The following NKAIN3 variants were observed in gnomAD, a reference collection of about 807,000 sequenced individuals.
The protein encoded by NKAIN3 is sodium/potassium transporting ATPase interacting 3.
In NKAIN3, 25 loss-of-function variants were observed where a neutral mutation model predicts 30.2. That is an observed-to-expected ratio of 0.83 (90% CI 0.60 to 1.16). The LOEUF is 1.16. Ranked by LOEUF, NKAIN3 falls within the 50% of genes most tolerant of loss-of-function variation. NKAIN3 has a pLI of 0.00. For missense variants in NKAIN3, 225 were observed against 254.1 expected, an observed-to-expected ratio of 0.89 and a Z score of 0.78; for synonymous variants, 91 against 89.6, an observed-to-expected ratio of 1.02 and a Z score of -0.09.
chr8:62,944,121 T>A (rs1284547138), intron 5 of NKAIN3, among the ~76,000 whole-genome samples: 3 of 152,104 alleles, frequency 2.0e-5, no homozygotes, highest in Non-Finnish European at 4.4e-5. Context: ...CTTACCCATG[T>A]AACCAAACGC....
Position 62,884,188 on chromosome 8 carries a change from G to A in NKAIN3, c.472-34265G>A, listed in dbSNP as rs187635032. 1.4e-3 allele frequency among the ~76,000 whole-genome samples: 220 copies of A among 152,160 alleles called. 1 individual carries two copies. The highest frequency in any genetic ancestry group is 6.8e-3 in the Middle Eastern group (2 of 294). ...TGTCTTTGTCTGGCTTTTGTATTAG[G>A]ATAATGCTGGCCTCCTAAAACGAGT... On this transcript the variant is annotated intron_variant, in intron 4 of 6. Transcript: ENST00000623646.
chr8:62,298,013 G>A lies in NKAIN3; in HGVS notation c.54+48886G>A, dbSNP rs1407822203. The stretch of plus-strand genomic sequence containing the variant: ...CAGCCATAAAAAATGATGAGTTCAT[G>A]TCCTTTGTAGGGACATGGATGAAAT... On this transcript the variant is annotated intron_variant, in intron 1 of 6. Coordinates refer to ENST00000623646, the MANE Select transcript of NKAIN3 (RefSeq NM_001304533.3). Among the ~76,000 whole-genome samples, 26 of 152,048 alleles carry A rather than the reference G, an allele frequency of 1.7e-4. 1 individual carries two copies. The highest frequency in any genetic ancestry group is 1.6e-3 in the Admixed American group (25 of 15,246).
chr8:62,823,453 T>C (rs1486576713), intron 4 of NKAIN3, among the ~76,000 whole-genome samples: 2 of 152,178 alleles, frequency 1.3e-5, no homozygotes. Context: ...AATAATGTTA[T>C]GGAGCTGAAG....
intron 1 of NKAIN3, among the ~76,000 whole-genome samples, chr8:62,449,507 TA>T (rs1289387997): frequency 1.3e-5 from 2 of 152,098 alleles, no homozygotes; most frequent in Non-Finnish European, 2.9e-5. Flanking sequence ...AATATAAGTG[TA>T]ATTGTTTCTT....
chr8:62,684,137 A>G (rs1813726290), intron 3 of NKAIN3, among the ~76,000 whole-genome samples: 1 of 152,134 alleles, frequency 6.6e-6, no homozygotes, highest in South Asian at 2.1e-4. Context: ...CTTACATATT[A>G]GAAACTGGAA....
At chr8:62,334,845 T>C (rs925558004) in intron 1 of NKAIN3, among the ~76,000 whole-genome samples, 1 of 151,998 alleles carries the variant, frequency 6.6e-6, no homozygotes, top group African/African-American at 2.4e-5. Context: ...ACTTAATCTC[T>C]CTCATTCTCC....
chr8:62,696,971 T>C (rs1460562920), intron 3 of NKAIN3, among the ~76,000 whole-genome samples: 1 of 152,194 alleles, frequency 6.6e-6, no homozygotes, highest in Non-Finnish European at 1.5e-5. Context: ...GACTCAAAAA[T>C]ACATATATAA....
rs753082330 is a variant in NKAIN3, at chr8:62,970,625, G to A, written c.*5218G>A. On this transcript the variant is annotated 3_prime_UTR_variant, in exon 7 of 7. Transcript: ENST00000623646. ...AAAGAATAGAAGGTAGAAAGGAAGG[G>A]AGAGGAAAATGGAGAGAAGATGAGG... 1.4e-4 allele frequency among the ~76,000 whole-genome samples: 21 copies of A among 152,136 alleles called. No homozygotes were observed. The highest frequency in any genetic ancestry group is 2.5e-4 in the Non-Finnish European group (17 of 68,028).
At chr8:62,806,687 G>C (rs1341994789) in intron 4 of NKAIN3, among the ~76,000 whole-genome samples, 2 of 151,892 alleles carry the variant, frequency 1.3e-5, no homozygotes, top group African/African-American at 2.4e-5. Context: ...ATAGCATTAG[G>C]AGATATACCT....
At chr8:62,844,244 T>C (rs1241279424) in intron 4 of NKAIN3, among the ~76,000 whole-genome samples, 2 of 152,150 alleles carry the variant, frequency 1.3e-5, no homozygotes, top group Non-Finnish European at 2.9e-5. Flanking sequence ...TATTTAAATA[T>C]TTTAGGATTC....
At chr8:62,453,714 A>G (rs1002775334) in intron 1 of NKAIN3, among the ~76,000 whole-genome samples, 1 of 152,192 alleles carries the variant, frequency 6.6e-6, no homozygotes, top group South Asian at 2.1e-4. Context: ...GACCCCACAG[A>G]AATACAGAAA....
At chr8:62,363,169 TG>T (rs1816619647) in intron 1 of NKAIN3, among the ~76,000 whole-genome samples, 1 of 152,202 alleles carries the variant, frequency 6.6e-6, no homozygotes, top group Non-Finnish European at 1.5e-5. Flanking sequence ...AATTGAGCTC[TG>T]TTCTGCTGCA....
chr8:62,749,067 TTATTAATCA>T, intron 4 of NKAIN3, among the ~76,000 whole-genome samples: 1 of 152,288 alleles, frequency 6.6e-6, no homozygotes, highest in Non-Finnish European at 1.5e-5. Context: ...CTAACAGTTT[TTATTAATCA>T]TCTTGAACAA....
intron 1 of NKAIN3, among the ~76,000 whole-genome samples, chr8:62,540,172 T>G (rs1678060906): frequency 6.6e-6 from 1 of 152,196 alleles, no homozygotes; most frequent in South Asian, 2.1e-4. Context: ...AGGAAACAAT[T>G]TACAACTCTT....
rs13362882 is a variant in NKAIN3 at position 62,893,438 on chromosome 8, A to C, written c.472-25015A>C. On this transcript the variant is annotated intron_variant, in intron 4 of 6. Coordinates refer to ENST00000623646, the MANE Select transcript of NKAIN3 (RefSeq NM_001304533.3). ...TGAAATCTTCCAAAATGACCTTCTA[A>C]AATAATATTTCCCTTTTGACAACCA... Among the ~76,000 whole-genome samples, 1,491 of 152,322 alleles carry C rather than the reference A, an allele frequency of 9.8e-3. 26 individuals carry two copies. The highest frequency in any genetic ancestry group is 0.035 in the African/African-American group (1,439 of 41,568).
intron 3 of NKAIN3, among the ~76,000 whole-genome samples, chr8:62,741,861 C>T (rs1815906722): frequency 6.6e-6 from 1 of 152,106 alleles, no homozygotes; most frequent in Admixed American, 6.6e-5. Flanking sequence ...AAAATTGTGC[C>T]TTCCCTACAA....
chr8:62,881,266 A>T (rs1820972472), intron 4 of NKAIN3, among the ~76,000 whole-genome samples: 1 of 152,174 alleles, frequency 6.6e-6, no homozygotes, highest in Non-Finnish European at 1.5e-5. Context: ...TGCCCTAAAA[A>T]ATCCCCTGTC....
chr8:62,516,611 A>C (rs1045898068), intron 1 of NKAIN3, among the ~76,000 whole-genome samples: 6 of 152,154 alleles, frequency 3.9e-5, no homozygotes, highest in African/African-American at 1.4e-4. Flanking sequence ...AAAGTGTGAA[A>C]TAATCCCACC....
intron 4 of NKAIN3, among the ~76,000 whole-genome samples, chr8:62,836,120 G>A (rs1418367645): frequency 6.6e-6 from 1 of 151,982 alleles, no homozygotes; most frequent in Non-Finnish European, 1.5e-5. Flanking sequence ...CTCACAAGTG[G>A]AAGCTAAACA....
Sources: gnomAD v4.1 joint callset for allele counts (sites outside exome capture counted in the v4.1 genomes callset) on GRCh38, gnomAD v4.1.1 for gene constraint, MANE v1.5 for transcripts, NCBI Gene and HGNC (gene_info 2026-07-23, HGNC 2026-07-21) for gene names.